Variants in LMX1B observed in about 807,000 individuals in gnomAD.
LMX1B encodes LIM homeobox transcription factor 1-beta.
In LMX1B, 12 loss-of-function variants were observed where a neutral mutation model predicts 51.4. The ratio of observed to expected loss-of-function variants is 0.23; its 90% CI spans 0.15 to 0.38. The LOEUF is 0.38. Among genes scored for constraint, LMX1B ranks in the 10% least tolerant of loss-of-function variants. The pLI, the probability that LMX1B is intolerant of heterozygous loss-of-function variation, is 1.00. For synonymous variants in LMX1B, 237 were observed against 235.4 expected, an observed-to-expected ratio of 1.01 and a Z score of -0.06; for missense variants, 445 against 571.1, an observed-to-expected ratio of 0.78 and a Z score of 2.25.
Position 126,691,053 on chromosome 9 carries a change from G to A in LMX1B, c.544G>A (p.Asp182Asn), listed in dbSNP as rs781341216. ...GGACCTGCTCAGCTCCGTGAGCCCC[G>A]ACGAGTCCGACTCCGGTGAGGCCTG... ...EKDLLSSVSP[D>N]ESDSVKSEDE... Residue 182 changes from aspartate (D) to asparagine (N), a missense_variant, in exon 3 of 8, where the codon GAC becomes AAC. Physicochemically the swap from Asp to Asn is conservative, Grantham distance 23 (BLOSUM62 1). Coordinates refer to ENST00000373474, the MANE Select transcript of LMX1B (RefSeq NM_001174147.2). 13 of 1,610,602 alleles carry A rather than the reference G, an allele frequency of 8.1e-6. No homozygotes were observed. Among genetic ancestry groups the A allele is most frequent in the African/African-American group, 5.3e-5 (4 of 74,834 alleles).
At position 126,696,860 on chromosome 9, in the gene LMX1B, G is replaced by C; in HGVS notation, c.*409G>C. 1 of 274,570 alleles carries C rather than the reference G, an allele frequency of 3.6e-6. No individual in the cohort carries two copies. The highest frequency in any genetic ancestry group is 4.2e-5 in the South Asian group (1 of 23,736). The allele number at this position is 274,570 out of a possible 1,614,324, so 17.0% of individuals were successfully genotyped here. ...CAATGGTGTCATGAGGCGGTGACCT[G>C]AGAAGCGTGTGTACCTGTGCCCCAG... On this transcript the variant is annotated 3_prime_UTR_variant, in exon 8 of 8. Coordinates refer to ENST00000373474, the MANE Select transcript of LMX1B (RefSeq NM_001174147.2).
intron 2 of LMX1B, among the ~76,000 whole-genome samples, chr9:126,679,598 G>A (rs1184157113): frequency 6.8e-6 from 1 of 147,610 alleles, no homozygotes; most frequent in Non-Finnish European, 1.5e-5. Context: ...GTGGATAAAT[G>A]GATGATTTTA....
Position 126,614,009 on chromosome 9 carries a change from C to T in LMX1B, c.-441C>T, listed in dbSNP as rs1051267718. On this transcript the variant is annotated 5_prime_UTR_variant, in exon 1 of 8. Transcript: ENST00000373474. ...GGGGAGCGCGCCCGGAGCCCCGCGG[C>T]CCGCTGCGCCCCGCCCGGGACCCCG... Among the ~76,000 whole-genome samples, 1 of 142,132 alleles carries T rather than the reference C, an allele frequency of 7.0e-6. No homozygotes were observed. Among genetic ancestry groups the T allele is most frequent in the Non-Finnish European group, 1.6e-5 (1 of 64,234 alleles). 93.2% of individuals were successfully genotyped at this position (142,132 alleles called of 152,430 possible).
chr9:126,690,950 A>G lies in LMX1B; in HGVS notation c.441A>G (p.Glu147=), dbSNP rs2277158. The change falls in exon 3 of 8, where the codon GAA becomes GAG. Residue 147 remains glutamate, a synonymous_variant. Coordinates refer to ENST00000373474, the MANE Select transcript of LMX1B (RefSeq NM_001174147.2). ...GCTGCTTCTGCTGCTGCGTGTGTGA[A>G]CGGCAGCTACGCAAGGGCGACGAAT... ...HLGCFCCCVC[E]RQLRKGDEFV... The G allele has an allele frequency of 0.43, 694,507 of 1,613,590 alleles. 151,135 individuals are homozygous for G. Among genetic ancestry groups the G allele is most frequent in the East Asian group, 0.53 (23,788 of 44,834 alleles).
chr9:126,671,984 G>A lies in LMX1B; in HGVS notation c.327-18852G>A, dbSNP rs899815122. 3.9e-5 allele frequency among the ~76,000 whole-genome samples: 6 copies of A among 152,218 alleles called. No individual in the cohort carries two copies. The highest frequency in any genetic ancestry group is 7.3e-5 in the Non-Finnish European group (5 of 68,040). On this transcript the variant is annotated intron_variant, in intron 2 of 7. Transcript: ENST00000373474. This position sits in a 1 kb window ranked among gnomAD's most constrained non-coding sequence, Gnocchi z 4.4. ...ATTAAAAACCAGCCTTGATGCTCCC[G>A]AGCCCCAGCTGTGGCCGTGATGGGA...
At chr9:126,619,695 C>A (rs1214402624) in intron 2 of LMX1B, among the ~76,000 whole-genome samples, 2 of 152,338 alleles carry the variant, frequency 1.3e-5, no homozygotes, top group East Asian at 1.9e-4. Context: ...TAAGCACAGG[C>A]CTTCCTGAGG....
intron 2 of LMX1B, among the ~76,000 whole-genome samples, chr9:126,633,126 T>A (rs886677142): frequency 3.3e-5 from 5 of 152,028 alleles, no homozygotes; most frequent in Non-Finnish European, 7.4e-5. Context: ...GGCACAAGAG[T>A]CACCGGTTTC....
At chr9:126,646,759 C>G (rs117185661) in intron 2 of LMX1B, among the ~76,000 whole-genome samples, 190 of 152,350 alleles carry the variant, frequency 1.2e-3, no homozygotes, top group Non-Finnish European at 2.3e-3. Flanking sequence ...CCTGTGCAGA[C>G]CCTGCCCTTT....
At chr9:126,689,979 T>C (rs925776970) in intron 2 of LMX1B, among the ~76,000 whole-genome samples, 1 of 152,072 alleles carries the variant, frequency 6.6e-6, no homozygotes, top group Non-Finnish European at 1.5e-5. Flanking sequence ...GAATATCTGT[T>C]CGTGATGGAG....
intron 2 of LMX1B, among the ~76,000 whole-genome samples, chr9:126,655,264 G>A (rs975242154): frequency 4.6e-5 from 7 of 152,208 alleles, no homozygotes; most frequent in African/African-American, 7.2e-5. Flanking sequence ...GAGCCTTGCC[G>A]CCTCACCCGA....
At chr9:126,670,687 T>C (rs1382014166) in intron 2 of LMX1B, among the ~76,000 whole-genome samples, 1 of 152,178 alleles carries the variant, frequency 6.6e-6, no homozygotes, top group Non-Finnish European at 1.5e-5. Flanking sequence ...ATGTGGTACC[T>C]GGGTGCTGTG....
intron 2 of LMX1B, among the ~76,000 whole-genome samples, chr9:126,675,529 A>G (rs893308656): frequency 2.6e-5 from 4 of 151,324 alleles, no homozygotes; most frequent in Non-Finnish European, 5.9e-5. Flanking sequence ...GATCAAGACC[A>G]TCCTGGCCAA....
intron 2 of LMX1B, among the ~76,000 whole-genome samples, chr9:126,624,415 C>T (rs1384329830): frequency 6.6e-6 from 1 of 152,188 alleles, no homozygotes; most frequent in Non-Finnish European, 1.5e-5. Flanking sequence ...GCCCTCCTGC[C>T]GACCCCCTCG....
At position 126,697,775 on chromosome 9, in the gene LMX1B, C is replaced by T. The variant is rs1398649534; in HGVS notation, c.*1324C>T. On this transcript the variant is annotated 3_prime_UTR_variant, in exon 8 of 8. Coordinates refer to ENST00000373474, the MANE Select transcript of LMX1B (RefSeq NM_001174147.2). ...CTGCTGTAGCTAAATCCCTGGGCCC[C>T]ACACGCAAGTGACAGCTAAGCCACA... is the stretch of plus-strand genomic sequence containing the variant. 6.6e-6 allele frequency: 1 copy of T among 152,590 alleles called. No homozygotes were observed. The highest frequency in any genetic ancestry group is 2.4e-5 in the African/African-American group (1 of 41,476). 9.5% of individuals were successfully genotyped at this position (152,590 alleles called of 1,614,324 possible).
intron 1 of LMX1B, among the ~76,000 whole-genome samples, chr9:126,614,897 G>A (rs534607785): frequency 1.3e-5 from 2 of 152,224 alleles, no homozygotes; most frequent in Admixed American, 1.3e-4. Flanking sequence ...TCACCTTGGC[G>A]AGCTTGGGAG....
At chr9:126,682,824 G>A (rs1029620850) in intron 2 of LMX1B, among the ~76,000 whole-genome samples, 20 of 151,466 alleles carry the variant, frequency 1.3e-4, no homozygotes, top group African/African-American at 4.4e-4. Context: ...GAACCCAGGA[G>A]GCGGAGGTTG....
At chr9:126,657,869 C>T (rs974272855) in intron 2 of LMX1B, among the ~76,000 whole-genome samples, 9 of 152,192 alleles carry the variant, frequency 5.9e-5, no homozygotes, top group African/African-American at 2.2e-4. Flanking sequence ...TGCATGAGGG[C>T]ACCCAGCCTA....
In LMX1B at chr9:126,664,895, C is replaced by G. The variant is rs190722024; in HGVS notation, c.327-25941C>G. Among the ~76,000 whole-genome samples, 529 of 152,260 alleles carry G rather than the reference C, an allele frequency of 3.5e-3. 5 individuals are homozygous for G. The highest frequency in any genetic ancestry group is 0.012 in the African/African-American group (505 of 41,548). On this transcript the variant is annotated intron_variant, in intron 2 of 7. Transcript: ENST00000373474. ...CTGGAAAAAAATAAATAAATGCACA[C>G]GTTGTGCAAGTATTTCCTGACCTTG...
At position 126,693,147 on chromosome 9, in the gene LMX1B, A is replaced by G. The variant is rs1265935939; in HGVS notation, c.565A>G (p.Ser189Gly). 1 of 1,574,998 alleles carries G rather than the reference A, an allele frequency of 6.3e-7. No homozygotes were observed. Among genetic ancestry groups the G allele is most frequent in the African/African-American group, 1.3e-5 (1 of 74,094 alleles). Residue 189 changes from serine to glycine, a missense_variant, in exon 4 of 8, where the codon AGC becomes GGC. Around this residue, in one of 3 missense-constraint regions of LMX1B, gnomAD observed 273 missense variants for 343.3 expected, o/e 0.80. Transcript: ENST00000373474. ...VSPDESDSVK[S>G]EDEDGDMKPA... ...CCGGGTTGTGTCCCCCACAGTGAAG[A>G]GCGAGGATGAAGATGGGGACATGAA...
Sources: allele counts gnomAD v4.1 joint callset (sites outside exome capture counted in the v4.1 genomes callset), GRCh38; gene constraint gnomAD v4.1.1; regional missense constraint gnomAD v4.1.1; non-coding constraint Gnocchi (gnomAD v3.1); transcripts MANE v1.5; gene names NCBI Gene and HGNC (gene_info 2026-07-23, HGNC 2026-07-21).